Variants in DISC1 observed in about 807,000 individuals in gnomAD.
DISC1 encodes the protein DISC1 scaffold protein.
In DISC1, 57 loss-of-function variants were observed where a neutral mutation model predicts 84.5. The ratio of observed to expected loss-of-function variants is 0.67; its 90% CI spans 0.55 to 0.84. DISC1 has a LOEUF of 0.84. Ranked by LOEUF, DISC1 falls within the 40% of genes least tolerant of loss-of-function variation. The pLI, the probability that DISC1 is intolerant of heterozygous loss-of-function variation, is 0.00. For missense variants in DISC1, 1,000 were observed against 1,057.8 expected (o/e 0.95, Z 0.76); for synonymous variants, 411 against 415.2 (o/e 0.99, Z 0.12).
chr1:231,854,128 T>C (rs975732646), intron 9 of DISC1, among the ~76,000 whole-genome samples: 7 of 152,124 alleles, frequency 4.6e-5, no homozygotes, highest in African/African-American at 1.7e-4. Context: ...ATCAACAACA[T>C]GAGGCTAGCT....
intron 1 of DISC1, among the ~76,000 whole-genome samples, chr1:231,677,967 G>A (rs549437868): frequency 2.2e-3 from 338 of 151,590 alleles, no homozygotes; most frequent in African/African-American, 7.6e-3. Flanking sequence ...GCAAGACTGT[G>A]TCTCAAAGAA....
chr1:231,934,812 G>A (rs2090880836), intron 9 of DISC1, among the ~76,000 whole-genome samples: 1 of 152,200 alleles, frequency 6.6e-6, no homozygotes, highest in Admixed American at 6.5e-5. Context: ...TACTGGTGGT[G>A]ATGGAGGGCA....
At chr1:231,748,210 A>G (rs1177899560) in intron 3 of DISC1, among the ~76,000 whole-genome samples, 1 of 152,140 alleles carries the variant, frequency 6.6e-6, no homozygotes, top group African/African-American at 2.4e-5. Context: ...TGCCATTCCA[A>G]TTTGAATGTC....
intron 8 of DISC1, among the ~76,000 whole-genome samples, chr1:231,803,429 G>T (rs537846753): frequency 3.8e-4 from 58 of 152,228 alleles, no homozygotes; most frequent in African/African-American, 1.4e-3. Flanking sequence ...ACTTAGCTGG[G>T]TGGCTCTGAC....
chr1:231,905,958 C>T (rs2088597408), intron 9 of DISC1, among the ~76,000 whole-genome samples: 1 of 150,262 alleles, frequency 6.7e-6, no homozygotes, highest in Middle Eastern at 3.5e-3. Context: ...GTTCTTTGTA[C>T]TATATTTGTA....
chr1:231,904,893 G>A (rs941893581), intron 9 of DISC1, among the ~76,000 whole-genome samples: 3 of 152,050 alleles, frequency 2.0e-5, no homozygotes, highest in Admixed American at 6.6e-5. Context: ...GGCATAAATC[G>A]AGCATAAAAA....
At chr1:231,661,440 C>G (rs1173711685) in intron 1 of DISC1, among the ~76,000 whole-genome samples, 1 of 152,076 alleles carries the variant, frequency 6.6e-6, no homozygotes, top group Non-Finnish European at 1.5e-5. Flanking sequence ...TTGTTCATTC[C>G]TTTTCATTCT....
chr1:231,855,928 T>C (rs2084236594), intron 9 of DISC1, among the ~76,000 whole-genome samples: 1 of 152,240 alleles, frequency 6.6e-6, no homozygotes, highest in South Asian at 2.1e-4. Context: ...TGCTGTACTG[T>C]TTAAGCTCAG....
chr1:231,731,340 ATT>A (rs1177305712), intron 3 of DISC1, among the ~76,000 whole-genome samples: 1 of 152,230 alleles, frequency 6.6e-6, no homozygotes, highest in Non-Finnish European at 1.5e-5. Flanking sequence ...CTGCAGTAAT[ATT>A]TATACCTACT....
intron 12 of DISC1, among the ~76,000 whole-genome samples, chr1:232,027,565 A>G (rs978939883): frequency 1.3e-5 from 2 of 152,158 alleles, no homozygotes; most frequent in African/African-American, 4.8e-5. Context: ...GCTGAGAGCA[A>G]ATGGGTGGGT....
At chr1:231,749,299 A>C (rs1423753291) in intron 3 of DISC1, among the ~76,000 whole-genome samples, 1 of 152,236 alleles carries the variant, frequency 6.6e-6, no homozygotes, top group Non-Finnish European at 1.5e-5. Context: ...GCACTCTTCC[A>C]AATGATCTGG....
chr1:231,701,630 ATTT>A (rs2124890958), intron 2 of DISC1, among the ~76,000 whole-genome samples: 1 of 152,334 alleles, frequency 6.6e-6, no homozygotes, highest in African/African-American at 2.4e-5. Flanking sequence ...AACAGAGACC[ATTT>A]GGTCAGGAAA....
At chr1:231,961,191 G>A in intron 10 of DISC1, among the ~76,000 whole-genome samples, 1 of 152,140 alleles carries the variant, frequency 6.6e-6, no homozygotes, top group East Asian at 1.9e-4. Context: ...CAATGTGATT[G>A]GACAGAAACT....
At chr1:231,703,287 G>A (rs2066630682) in intron 3 of DISC1, among the ~76,000 whole-genome samples, 1 of 152,202 alleles carries the variant, frequency 6.6e-6, no homozygotes, top group Non-Finnish European at 1.5e-5. Flanking sequence ...ACTGGGTGGA[G>A]GATGAGTTGC....
intron 9 of DISC1, among the ~76,000 whole-genome samples, chr1:231,841,793 A>C (rs1265429293): frequency 6.8e-6 from 1 of 146,878 alleles, no homozygotes; most frequent in Non-Finnish European, 1.5e-5. Context: ...TAGAATTGTT[A>C]ATTATTAATA....
intron 7 of DISC1, among the ~76,000 whole-genome samples, chr1:231,797,588 C>A (rs892289618): frequency 2.8e-4 from 43 of 152,118 alleles, no homozygotes; most frequent in Non-Finnish European, 5.1e-4. Flanking sequence ...GTACTAATCC[C>A]CTTCATGGGG....
chr1:231,824,740 C>T (rs946845992), intron 9 of DISC1, among the ~76,000 whole-genome samples: 1 of 152,164 alleles, frequency 6.6e-6, no homozygotes, highest in African/African-American at 2.4e-5. Flanking sequence ...TAATCATCTG[C>T]ATAGCACCTG....
At chr1:231,946,112 G>A (rs1055506647) in intron 9 of DISC1, among the ~76,000 whole-genome samples, 9 of 152,206 alleles carry the variant, frequency 5.9e-5, no homozygotes, top group Non-Finnish European at 1.2e-4. Context: ...CTCATTTTAT[G>A]AGGCCAGCAT....
At chr1:231,714,707 TGA>T (rs1009702099) in intron 3 of DISC1, among the ~76,000 whole-genome samples, 5 of 141,980 alleles carry the variant, frequency 3.5e-5, no homozygotes, top group East Asian at 2.1e-4. Flanking sequence ...AGATAGGGAT[TGA>T]GAGAGAGAGA....
Sources: gnomAD v4.1 joint callset for allele counts (sites outside exome capture counted in the v4.1 genomes callset) on GRCh38, gnomAD v4.1.1 for gene constraint, MANE v1.5 for transcripts, NCBI Gene and HGNC (gene_info 2026-07-23, HGNC 2026-07-21) for gene names.